The following RPTOR variants were observed in gnomAD, a reference collection of about 807,000 sequenced individuals.
RPTOR encodes the protein regulatory-associated protein of mTOR.
In RPTOR, 21 loss-of-function variants were observed where a neutral mutation model predicts 169.9. That is an observed-to-expected ratio of 0.12 (90% CI 0.09 to 0.18). RPTOR has a LOEUF of 0.18. RPTOR is among the 10% of genes least tolerant of loss of function. The probability of loss-of-function intolerance (pLI) is 1.00; values close to 1 mark genes in which losing one functional copy is unlikely to be tolerated. For synonymous variants in RPTOR, 732 were observed against 753.2 expected (o/e 0.97, Z 0.46); for missense variants, 1,133 against 1,855.9 (o/e 0.61, Z 7.16).
chr17:80,657,515 T>G (rs2065689137), intron 3 of RPTOR, among the ~76,000 whole-genome samples: 1 of 152,226 alleles, frequency 6.6e-6, no homozygotes, highest in Non-Finnish European at 1.5e-5. Flanking sequence ...AGGCTGTTTC[T>G]CAGTGTGAAT....
At chr17:80,792,562 G>A (rs949834016) in intron 7 of RPTOR, among the ~76,000 whole-genome samples, 1 of 152,156 alleles carries the variant, frequency 6.6e-6, no homozygotes, top group African/African-American at 2.4e-5. Context: ...CCTCAGCATG[G>A]GTACCTAACA....
intron 6 of RPTOR, among the ~76,000 whole-genome samples, chr17:80,784,811 G>A (rs1421546448): frequency 2.0e-5 from 3 of 151,814 alleles, no homozygotes; most frequent in Admixed American, 2.0e-4. Flanking sequence ...TGATTCTCCT[G>A]CCTCAGCCTC....
intron 7 of RPTOR, among the ~76,000 whole-genome samples, chr17:80,800,635 T>C (rs1052671876): frequency 3.3e-5 from 5 of 152,234 alleles, no homozygotes; most frequent in Non-Finnish European, 7.3e-5. Context: ...CTGTTGCTGC[T>C]GCAGTACATA....
At chr17:80,868,303 C>A (rs958334774) in intron 13 of RPTOR, among the ~76,000 whole-genome samples, 1 of 152,164 alleles carries the variant, frequency 6.6e-6, no homozygotes, top group African/African-American at 2.4e-5. Flanking sequence ...CAAAGAAGTA[C>A]AAATGGCAAA....
At chr17:80,927,636 CTATG>C (rs2068826716) in intron 24 of RPTOR, among the ~76,000 whole-genome samples, 2 of 132,662 alleles carry the variant, frequency 1.5e-5, no homozygotes. Flanking sequence ...CTGTCTGTCT[CTATG>C]TGTGTGTGTG....
At chr17:80,877,697 T>A (rs528428187) in intron 13 of RPTOR, among the ~76,000 whole-genome samples, 3 of 152,186 alleles carry the variant, frequency 2.0e-5, no homozygotes, top group South Asian at 2.1e-4. Context: ...CTGGGCTGAG[T>A]CTTTACGTGG....
chr17:80,548,979 A>G (rs2084312603), intron 1 of RPTOR, among the ~76,000 whole-genome samples: 1 of 152,182 alleles, frequency 6.6e-6, no homozygotes, highest in Non-Finnish European at 1.5e-5. Flanking sequence ...TAGCCTTGCT[A>G]CAGATTCCTC....
intron 20 of RPTOR, among the ~76,000 whole-genome samples, chr17:80,895,715 T>C (rs567445239): frequency 2.6e-5 from 4 of 152,336 alleles, no homozygotes; most frequent in Non-Finnish European, 4.4e-5. Flanking sequence ...CACGGGATCC[T>C]CTGTTCTAAA....
chr17:80,566,266 G>A (rs1316838347), intron 1 of RPTOR, among the ~76,000 whole-genome samples: 1 of 152,198 alleles, frequency 6.6e-6, no homozygotes, highest in African/African-American at 2.4e-5. Context: ...TTTGGTGCCT[G>A]TCTCATGCCG....
At chr17:80,567,095 C>G (rs560193121) in intron 1 of RPTOR, among the ~76,000 whole-genome samples, 55 of 151,620 alleles carry the variant, frequency 3.6e-4, no homozygotes, top group Admixed American at 3.6e-3. Context: ...CTCAGCCTCT[C>G]GAGTAGCTGG....
intron 1 of RPTOR, among the ~76,000 whole-genome samples, chr17:80,549,591 G>A (rs752465471): frequency 6.6e-6 from 1 of 152,186 alleles, no homozygotes; most frequent in Non-Finnish European, 1.5e-5. Context: ...GGGATTACAG[G>A]TGTGAGCCAC....
At chr17:80,700,736 G>GTGATGGTGATGGTAGAGATTATGGTGA (rs1598236297) in intron 3 of RPTOR, among the ~76,000 whole-genome samples, 1 of 48,140 alleles carries the variant, frequency 2.1e-5, no homozygotes, top group African/African-American at 8.5e-5. Context: ...GGTGATGATG[G>GTGATGGTGATGGTAGAGATTATGGTGA]TGGTGGTGGT....
At chr17:80,577,522 C>G (rs1291733739) in intron 1 of RPTOR, among the ~76,000 whole-genome samples, 6 of 151,894 alleles carry the variant, frequency 4.0e-5, no homozygotes, top group Non-Finnish European at 5.9e-5. Flanking sequence ...CAAGCAGTCC[C>G]CCTGCCTCGG....
intron 13 of RPTOR, among the ~76,000 whole-genome samples, chr17:80,879,992 A>C (rs1267502923): frequency 6.6e-6 from 1 of 152,216 alleles, no homozygotes; most frequent in African/African-American, 2.4e-5. Flanking sequence ...TTGTAAGTCC[A>C]AGCAAACCCC....
chr17:80,923,813 ACT>A, intron 23 of RPTOR, 140 bp downstream of exon 23: 1 of 938,948 alleles, frequency 1.1e-6, no homozygotes, highest in Non-Finnish European at 1.6e-6. Flanking sequence ...TCTGTGGGCC[ACT>A]CTCTGCCTTT....
At chr17:80,793,477 T>C (rs2067070337) in intron 7 of RPTOR, among the ~76,000 whole-genome samples, 2 of 152,188 alleles carry the variant, frequency 1.3e-5, no homozygotes, top group Admixed American at 1.3e-4. Context: ...GCTATTTCCA[T>C]GGTTTCCTCT....
At chr17:80,794,646 C>T (rs1306819647) in intron 7 of RPTOR, among the ~76,000 whole-genome samples, 7 of 152,224 alleles carry the variant, frequency 4.6e-5, no homozygotes, top group East Asian at 1.9e-4. Context: ...TACCCCAAGC[C>T]GGAAGCAACC....
At chr17:80,743,568 T>G (rs1048223720) in intron 5 of RPTOR, 1 of 472,680 alleles carries the variant, frequency 2.1e-6, no homozygotes, top group African/African-American at 2.1e-5. Context: ...CTGCGTGGGC[T>G]AGAAATCATG....
chr17:80,668,444 C>T (rs35374347), intron 3 of RPTOR, among the ~76,000 whole-genome samples: 12,032 of 152,240 alleles, frequency 0.079, 588 homozygotes, highest in Middle Eastern at 0.13. Flanking sequence ...AGGAGGTCTT[C>T]GCGCCCTGTC....
Sources: allele counts gnomAD v4.1 joint callset (sites outside exome capture counted in the v4.1 genomes callset), GRCh38; gene constraint gnomAD v4.1.1; transcripts MANE v1.5; gene names NCBI Gene and HGNC (gene_info 2026-07-23, HGNC 2026-07-21).